Variants in NRG3 observed in about 807,000 individuals in gnomAD.
The protein encoded by NRG3 is neuregulin 3, also known as pro-neuregulin-3, membrane-bound isoform.
A neutral mutation model predicts 66.9 loss-of-function variants in NRG3; 31 were observed. That is an observed-to-expected ratio of 0.46 (90% confidence interval 0.35 to 0.63). The LOEUF is 0.63. NRG3 is among the 20% of genes least tolerant of loss of function. The probability of loss-of-function intolerance (pLI) is 0.00; values close to 1 mark genes in which losing one functional copy is unlikely to be tolerated. For missense variants in NRG3, 910 were observed against 878.9 expected, an observed-to-expected ratio of 1.04 and a Z score of -0.45; for synonymous variants, 393 against 359.4, an observed-to-expected ratio of 1.09 and a Z score of -1.06.
intron 4 of NRG3, among the ~76,000 whole-genome samples, chr10:82,893,745 G>A (rs970388754): frequency 2.0e-5 from 3 of 152,056 alleles, no homozygotes; most frequent in Admixed American, 2.0e-4. Flanking sequence ...TGTCTAGGAT[G>A]AAGCTAATGC....
intron 1 of NRG3, among the ~76,000 whole-genome samples, chr10:81,992,429 T>G (rs1283056805): frequency 6.6e-6 from 1 of 152,168 alleles, no homozygotes; most frequent in Admixed American, 6.6e-5. Flanking sequence ...TGGAAGAACA[T>G]TGGCCATGTC....
intron 4 of NRG3, among the ~76,000 whole-genome samples, chr10:82,923,112 A>C (rs1472143765): frequency 1.3e-5 from 2 of 152,234 alleles, no homozygotes; most frequent in Non-Finnish European, 2.9e-5. Flanking sequence ...CCATTCTAAA[A>C]TACAAAGATG....
chr10:81,887,672 A>C (rs1842721041), intron 1 of NRG3, among the ~76,000 whole-genome samples: 1 of 152,172 alleles, frequency 6.6e-6, no homozygotes, highest in South Asian at 2.1e-4. Context: ...TTTGTAGGGC[A>C]CATGACCCAT....
intron 1 of NRG3, among the ~76,000 whole-genome samples, chr10:81,948,682 G>A (rs537726795): frequency 6.1e-4 from 93 of 152,310 alleles, no homozygotes; most frequent in Non-Finnish European, 1.2e-3. Context: ...CGTTAGGCAA[G>A]CAATTTCACT....
chr10:82,804,864 C>T (rs1452048797), intron 3 of NRG3, among the ~76,000 whole-genome samples: 1 of 152,174 alleles, frequency 6.6e-6, no homozygotes, highest in African/African-American at 2.4e-5. Context: ...TTTACCTTCC[C>T]TGACTACAGA....
chr10:82,313,559 C>G (rs1203095724), intron 1 of NRG3, among the ~76,000 whole-genome samples: 3 of 151,978 alleles, frequency 2.0e-5, no homozygotes, highest in African/African-American at 4.8e-5. Context: ...CCCAGGACAC[C>G]AGGAAACAGC....
chr10:82,704,175 T>C (rs1230599328), intron 2 of NRG3, among the ~76,000 whole-genome samples: 1 of 152,154 alleles, frequency 6.6e-6, no homozygotes, highest in Non-Finnish European at 1.5e-5. Context: ...GAGCAATGCA[T>C]TGTCCATGCT....
intron 6 of NRG3, among the ~76,000 whole-genome samples, chr10:82,968,801 G>T (rs1481830175): frequency 6.6e-6 from 1 of 152,096 alleles, no homozygotes; most frequent in Non-Finnish European, 1.5e-5. Flanking sequence ...ATTTTCACAC[G>T]CTGATAAAGA....
intron 4 of NRG3, among the ~76,000 whole-genome samples, chr10:82,906,025 A>G (rs540204240): frequency 1.1e-4 from 16 of 152,310 alleles, no homozygotes; most frequent in African/African-American, 3.4e-4. Context: ...TATCAAAAAT[A>G]TCAAACATGG....
At chr10:81,891,451 A>G (rs1843004285) in intron 1 of NRG3, among the ~76,000 whole-genome samples, 1 of 152,116 alleles carries the variant, frequency 6.6e-6, no homozygotes, top group East Asian at 1.9e-4. Flanking sequence ...TCATCTCCAT[A>G]TGCCTAGTCT....
At chr10:82,488,177 T>C (rs1374816977) in intron 2 of NRG3, among the ~76,000 whole-genome samples, 1 of 152,226 alleles carries the variant, frequency 6.6e-6, no homozygotes, top group Non-Finnish European at 1.5e-5. Flanking sequence ...CAGGGTTATT[T>C]TGAAGTCATC....
At chr10:82,014,225 TC>T (rs2061694613) in intron 1 of NRG3, among the ~76,000 whole-genome samples, 2 of 152,166 alleles carry the variant, frequency 1.3e-5, no homozygotes, top group African/African-American at 4.8e-5. Context: ...CTGTGCTACT[TC>T]CATAAGCAAG....
chr10:82,796,591 G>C (rs184089575), intron 3 of NRG3, among the ~76,000 whole-genome samples: 44 of 152,164 alleles, frequency 2.9e-4, no homozygotes, highest in African/African-American at 1.0e-3. Context: ...AGAGAGAGGG[G>C]GAGGCAAAGA....
chr10:82,952,566 G>A (rs1184071974), intron 5 of NRG3, among the ~76,000 whole-genome samples: 2 of 138,268 alleles, frequency 1.4e-5, no homozygotes, highest in Non-Finnish European at 1.5e-5. Context: ...TTATTAAAAT[G>A]ATATAATCTG....
intron 2 of NRG3, among the ~76,000 whole-genome samples, chr10:82,576,042 C>A (rs2046010550): frequency 6.6e-6 from 1 of 151,658 alleles, no homozygotes; most frequent in South Asian, 2.1e-4. Context: ...GTTAAGTGAA[C>A]AACCTATATT....
At chr10:82,609,520 A>G (rs751961032) in intron 2 of NRG3, among the ~76,000 whole-genome samples, 3 of 152,066 alleles carry the variant, frequency 2.0e-5, no homozygotes, top group Non-Finnish European at 2.9e-5. Flanking sequence ...GTGCTAATCA[A>G]TTGAGAAGAT....
chr10:82,185,434 A>G (rs930483237), intron 1 of NRG3, among the ~76,000 whole-genome samples: 1 of 152,120 alleles, frequency 6.6e-6, no homozygotes, highest in African/African-American at 2.4e-5. Flanking sequence ...ATTAAAGCTT[A>G]TTTTGTGTAC....
chr10:82,641,731 T>TA (rs2050597210), intron 2 of NRG3, among the ~76,000 whole-genome samples: 3 of 152,134 alleles, frequency 2.0e-5, no homozygotes, highest in Admixed American at 1.3e-4. Context: ...AATACAAAAG[T>TA]AAAAAAATAA....
chr10:82,120,202 C>T (rs1341761753), intron 1 of NRG3, among the ~76,000 whole-genome samples: 1 of 152,052 alleles, frequency 6.6e-6, no homozygotes, highest in African/African-American at 2.4e-5. Context: ...TTTCTTCTCC[C>T]AGAAAGTGAC....
Sources: gnomAD v4.1 joint callset for allele counts (sites outside exome capture counted in the v4.1 genomes callset) on GRCh38, gnomAD v4.1.1 for gene constraint, MANE v1.5 for transcripts, NCBI Gene and HGNC (gene_info 2026-07-23, HGNC 2026-07-21) for gene names.